The following XPR1 variants were observed in gnomAD, a reference collection of about 807,000 sequenced individuals.
The protein encoded by XPR1 is xenotropic and polytropic retrovirus receptor 1, also known as solute carrier family 53 member 1.
XPR1 carries 28 observed loss-of-function variants against 87.5 expected under a neutral mutation model. The ratio of observed to expected loss-of-function variants is 0.32; its 90% CI spans 0.24 to 0.44. XPR1 has a LOEUF of 0.44. Among genes scored for constraint, XPR1 ranks in the 20% least tolerant of loss-of-function variants. The probability of loss-of-function intolerance (pLI) is 1.00; values close to 1 mark genes in which losing one functional copy is unlikely to be tolerated. For synonymous variants in XPR1, 300 were observed against 306.1 expected (o/e 0.98, Z 0.21); for missense variants, 559 against 862.3 (o/e 0.65, Z 4.41).
chr1:180,687,704 A>G (rs1050005264), intron 2 of XPR1, among the ~76,000 whole-genome samples: 2 of 152,118 alleles, frequency 1.3e-5, no homozygotes, highest in African/African-American at 4.8e-5. Flanking sequence ...TTTGAGAGTG[A>G]ATTTCATGAA....
intron 7 of XPR1, among the ~76,000 whole-genome samples, chr1:180,824,106 A>G (rs1041563313): frequency 6.6e-6 from 1 of 152,184 alleles, no homozygotes; most frequent in Non-Finnish European, 1.5e-5. Flanking sequence ...CGGATCCCCA[A>G]ATGACAGAAC....
chr1:180,846,133 G>A (rs557606262), intron 11 of XPR1, among the ~76,000 whole-genome samples: 2 of 151,960 alleles, frequency 1.3e-5, no homozygotes, highest in South Asian at 4.2e-4. Flanking sequence ...GGAGTGGCAT[G>A]CACCTGTAAT....
At chr1:180,809,051 T>G (rs1650107935) in intron 6 of XPR1, among the ~76,000 whole-genome samples, 1 of 152,100 alleles carries the variant, frequency 6.6e-6, no homozygotes. Flanking sequence ...TTGTGGTATA[T>G]CCATACAATG....
intron 9 of XPR1, among the ~76,000 whole-genome samples, chr1:180,827,984 C>T (rs1650918491): frequency 6.6e-6 from 1 of 151,768 alleles, no homozygotes; most frequent in South Asian, 2.1e-4. Flanking sequence ...TCAAGTGATC[C>T]TCCCACCTCA....
intron 1 of XPR1, among the ~76,000 whole-genome samples, chr1:180,656,613 AATATATTTTATATATGTATGTATAAT>A (rs1655532933): frequency 1.5e-5 from 1 of 66,794 alleles, no homozygotes. Context: ...ATGTATGTAT[AATATATTTTATATATGTATGTATAAT>A]ATATTATTAT....
At chr1:180,760,613 G>T (rs1483950641) in intron 2 of XPR1, among the ~76,000 whole-genome samples, 1 of 152,188 alleles carries the variant, frequency 6.6e-6, no homozygotes, top group Non-Finnish European at 1.5e-5. Flanking sequence ...TCAAATAAAA[G>T]AGGATACAAG....
chr1:180,681,058 G>A (rs1656561015), intron 1 of XPR1, among the ~76,000 whole-genome samples: 3 of 152,158 alleles, frequency 2.0e-5, no homozygotes, highest in Non-Finnish European at 4.4e-5. Context: ...AGGCTGGGAA[G>A]GGAAGAGGGC....
intron 3 of XPR1, among the ~76,000 whole-genome samples, chr1:180,797,236 C>G (rs1649618879): frequency 6.6e-6 from 1 of 152,024 alleles, no homozygotes; most frequent in Non-Finnish European, 1.5e-5. Flanking sequence ...AGAACTGTTA[C>G]CTTTAGAGTT....
At chr1:180,824,245 A>C (rs1025791999) in intron 7 of XPR1, among the ~76,000 whole-genome samples, 7 of 152,328 alleles carry the variant, frequency 4.6e-5, no homozygotes, top group African/African-American at 1.7e-4. Context: ...GAGTAAAATG[A>C]AGACGAGAAA....
intron 2 of XPR1, among the ~76,000 whole-genome samples, chr1:180,745,342 G>C (rs1571791959): frequency 6.6e-6 from 1 of 152,302 alleles, no homozygotes; most frequent in South Asian, 2.1e-4. Context: ...GGAAGAGAGA[G>C]AGACAGAGAG....
chr1:180,785,278 G>A (rs1451913274), intron 2 of XPR1, among the ~76,000 whole-genome samples: 2 of 151,642 alleles, frequency 1.3e-5, no homozygotes, highest in African/African-American at 4.8e-5. Context: ...TCAGCCTCCC[G>A]AGTAGCTAGG....
At chr1:180,798,632 G>A (rs2102109616) in intron 3 of XPR1, among the ~76,000 whole-genome samples, 1 of 152,074 alleles carries the variant, frequency 6.6e-6, no homozygotes, top group Admixed American at 6.5e-5. Context: ...TTGTTTTTGA[G>A]ACACAGTCTC....
In XPR1 at chr1:180,836,734, C is replaced by T. The variant is rs754353177; in HGVS notation, c.1501+18C>T. On this transcript the variant is annotated intron_variant, in intron 11 of 14. Coordinates refer to ENST00000367590, the MANE Select transcript of XPR1 (RefSeq NM_004736.4). ...TCACAAAGGTATTCTGTGATTGACTCTGAAGAGATTTTTTTAAACCTGGAT... is the reference window on the plus strand; with the variant it reads ...TCACAAAGGTATTCTGTGATTGACTTTGAAGAGATTTTTTTAAACCTGGAT... The T allele has an allele frequency of 1.9e-6, 3 of 1,611,212 alleles. No individual in the cohort carries two copies. Among genetic ancestry groups the T allele is most frequent in the Non-Finnish European group, 2.5e-6 (3 of 1,179,334 alleles).
intron 1 of XPR1, among the ~76,000 whole-genome samples, chr1:180,656,346 ATT>A (rs1491350684): frequency 8.5e-5 from 9 of 105,854 alleles, no homozygotes; most frequent in African/African-American, 3.6e-4. Context: ...ATATTTATAT[ATT>A]TAATATTTAT....
chr1:180,682,341 TTTTC>T lies in XPR1; in HGVS notation c.70-9_70-6del, dbSNP rs1366890053. The T allele has an allele frequency of 1.3e-6, 2 of 1,580,058 alleles. No individual in the cohort carries two copies. Among genetic ancestry groups the T allele is most frequent in the Non-Finnish European group, 1.7e-6 (2 of 1,161,470 alleles). On this transcript the variant is annotated splice_polypyrimidine_tract_variant and intron_variant, in intron 1 of 14. Transcript: ENST00000367590. ...GCTTACTCATGATTTCATATATTGT[TTTTC>T]TTTCTTTCTAATAGGCTTTCAAGGA...
At chr1:180,771,813 A>G (rs1648526463) in intron 2 of XPR1, among the ~76,000 whole-genome samples, 1 of 151,988 alleles carries the variant, frequency 6.6e-6, no homozygotes, top group South Asian at 2.1e-4. Context: ...TGTAGTTGCT[A>G]TGTCTTATTT....
rs1355713040 is a variant in XPR1, at chr1:180,632,038, A to T, written c.-164A>T. 2.7e-6 allele frequency: 2 copies of T among 745,878 alleles called. No homozygotes were observed. The highest frequency in any genetic ancestry group is 4.7e-6 in the Non-Finnish European group (2 of 429,634). The allele number at this position is 745,878 out of a possible 1,614,324, so 46.2% of individuals were successfully genotyped here. A position where few individuals can be genotyped will look rare whatever the true frequency, so the allele number is the denominator to read the frequency against. ...GGCGGGGCTATGGAGAGGAGGAGGA[A>T]GATGGCGGGCGGGCTGCTCTGAAGA... On this transcript the variant is annotated 5_prime_UTR_variant, in exon 1 of 15. In the 5' UTR this introduces an upstream ATG that the reference lacks. Coordinates refer to ENST00000367590, the MANE Select transcript of XPR1 (RefSeq NM_004736.4).
chr1:180,686,899 G>C (rs1484240825), intron 2 of XPR1, among the ~76,000 whole-genome samples: 8 of 151,982 alleles, frequency 5.3e-5, no homozygotes, highest in Admixed American at 5.2e-4. Flanking sequence ...TCCTCTGAAC[G>C]TGTAAAAATC....
At chr1:180,639,381 A>G (rs1654893836) in intron 1 of XPR1, among the ~76,000 whole-genome samples, 2 of 152,146 alleles carry the variant, frequency 1.3e-5, no homozygotes, top group Admixed American at 1.3e-4. Flanking sequence ...AAATTTTCAT[A>G]ATCTCTATAA....
Sources: gnomAD v4.1 joint callset for allele counts (sites outside exome capture counted in the v4.1 genomes callset) on GRCh38, gnomAD v4.1.1 for gene constraint, MANE v1.5 for transcripts, NCBI Gene and HGNC (gene_info 2026-07-23, HGNC 2026-07-21) for gene names.